Variants in ACACB observed in about 807,000 individuals in gnomAD.
The protein encoded by ACACB is acetyl-CoA carboxylase beta.
Under a neutral mutation model 278.8 loss-of-function variants are expected in ACACB, and 209 were observed. The observed-to-expected ratio is 0.75, with a 90% CI of 0.67 to 0.84. The LOEUF (loss-of-function observed/expected upper bound fraction) is 0.84, where lower values mean the gene tolerates loss of function less well. Among genes scored for constraint, ACACB ranks in the 40% least tolerant of loss-of-function variants. The probability of loss-of-function intolerance (pLI) is 0.00; values close to 1 mark genes in which losing one functional copy is unlikely to be tolerated. For synonymous variants in ACACB, 1,174 were observed against 1,285.6 expected, an observed-to-expected ratio of 0.91 and a Z score of 1.86; for missense variants, 2,850 against 3,269.0, an observed-to-expected ratio of 0.87 and a Z score of 3.13.
In ACACB at chr12:109,191,599, C is replaced by T. The variant is rs754756306; in HGVS notation, c.2145-14C>T. The stretch of plus-strand genomic sequence containing the variant: ...ATGAATTTGGAAAATGATCCATGTG[C>T]CTTTCCCTTCAAGGAACATGGTGGT... On this transcript the variant is annotated splice_polypyrimidine_tract_variant and intron_variant, in intron 13 of 52. Coordinates refer to ENST00000338432, the MANE Select transcript of ACACB (RefSeq NM_001093.4). The T allele has an allele frequency of 2.5e-6, 4 of 1,613,746 alleles. No individual in the cohort carries two copies. Among genetic ancestry groups the T allele is most frequent in the Non-Finnish European group, 2.5e-6 (3 of 1,179,814 alleles).
chr12:109,211,142 T>A (rs901181910), intron 21 of ACACB, among the ~76,000 whole-genome samples: 24 of 151,892 alleles, frequency 1.6e-4, no homozygotes, highest in African/African-American at 5.8e-4. Context: ...ACCATCATCA[T>A]CCACCCACCC....
At position 109,258,155 on chromosome 12, in the gene ACACB, C is replaced by T. The variant is rs1276618518; in HGVS notation, c.6264-113C>T. 4.1e-5 allele frequency: 29 copies of T among 713,986 alleles called. 1 individual carries two copies. Among genetic ancestry groups the T allele is most frequent in the Admixed American group, 1.2e-4 (4 of 33,896 alleles). 44.2% of individuals were successfully genotyped at this position (713,986 alleles called of 1,614,324 possible). ...TTCTTTGCCTTCCAATAAAATAATC[C>T]GCCAGATTAAAAAGAGCATTCTCCT... On this transcript the variant is annotated intron_variant, in intron 45 of 52. Transcript: ENST00000338432.
chr12:109,123,518 G>T (rs61934261), intron 1 of ACACB, among the ~76,000 whole-genome samples: 50,999 of 151,164 alleles, frequency 0.34, 9,788 homozygotes, highest in East Asian at 0.64. Flanking sequence ...ATGGAAAAAC[G>T]CCCATCTCTA....
chr12:109,150,207 C>T (rs1355888832), intron 2 of ACACB, among the ~76,000 whole-genome samples: 1 of 152,188 alleles, frequency 6.6e-6, no homozygotes, highest in East Asian at 1.9e-4. Context: ...ATTTCCTGCT[C>T]TGTTGAGGCA....
intron 1 of ACACB, among the ~76,000 whole-genome samples, chr12:109,132,744 GT>G (rs2042861817): frequency 6.6e-6 from 1 of 152,154 alleles, no homozygotes; most frequent in African/African-American, 2.4e-5. Context: ...TGACCTTTGG[GT>G]CCCACGTCAT....
intron 22 of ACACB, among the ~76,000 whole-genome samples, chr12:109,215,906 A>G (rs1057499615): frequency 6.7e-6 from 1 of 149,622 alleles, no homozygotes; most frequent in Admixed American, 6.6e-5. Context: ...AAGCGATCCT[A>G]TCACCTCAGC....
Position 109,166,863 on chromosome 12 carries a change from C to T in ACACB, c.656C>T (p.Pro219Leu), listed in dbSNP as rs17848820. 341 of 1,613,882 alleles carry T rather than the reference C, an allele frequency of 2.1e-4. 2 individuals are homozygous for T. The East Asian group carries it at 7.0e-3, about 33-fold the overall frequency. ...TGTCCCTCATTCTTATTCTGCAGGC[C>T]GAGCATGTCGGGACTCCACCTGGTG... ...EAETRVPTMR[P>L]SMSGLHLVKR... Residue 219 changes from proline to leucine, a missense_variant and splice_region_variant, in exon 3 of 53, where the codon CCG becomes CTG. Around this residue, in one of 3 missense-constraint regions of ACACB, gnomAD observed 2,265 missense variants for 2,561.3 expected, o/e 0.88. Transcript: ENST00000338432.
chr12:109,170,354 C>T lies in ACACB; in HGVS notation c.926-1451C>T, dbSNP rs542072221. 1.1e-4 allele frequency among the ~76,000 whole-genome samples: 16 copies of T among 152,214 alleles called. No individual in the cohort carries two copies. The South Asian group carries it at 1.2e-3, about 12-fold the overall frequency. On this transcript the variant is annotated intron_variant, in intron 4 of 52. Transcript: ENST00000338432. ...TGCTGGGATTACAGGTGTCAGCCAC[C>T]GCGCCCAGCCAGCGTGTGTTTTTTT...
chr12:109,120,834 C>A (rs2042530437), intron 1 of ACACB, among the ~76,000 whole-genome samples: 1 of 152,252 alleles, frequency 6.6e-6, no homozygotes, highest in African/African-American at 2.4e-5. Flanking sequence ...AACAGACTTT[C>A]TCTCTGTGCC....
At chr12:109,229,523 G>A (rs115295143) in intron 28 of ACACB, among the ~76,000 whole-genome samples, 9 of 151,844 alleles carry the variant, frequency 5.9e-5, no homozygotes, top group Non-Finnish European at 8.8e-5. Context: ...GTTCTCACCT[G>A]AGAATATCTT....
rs142173051 is a variant in ACACB at position 109,141,097 on chromosome 12, C to T, written c.653+1039C>T. 4.3e-3 allele frequency among the ~76,000 whole-genome samples: 654 copies of T among 151,878 alleles called. 2 individuals are homozygous for T. Among genetic ancestry groups the T allele is most frequent in the Middle Eastern group, 0.01 (3 of 294 alleles). ...TTAAATTTTTTATAGAAATGGGAAT[C>T]TCACCATATTGCCCAGGCTGGTCTC... is the stretch of plus-strand genomic sequence containing the variant. On this transcript the variant is annotated intron_variant, in intron 2 of 52. Transcript: ENST00000338432.
chr12:109,157,854 G>A (rs563715314), intron 2 of ACACB, among the ~76,000 whole-genome samples: 2 of 152,312 alleles, frequency 1.3e-5, no homozygotes, highest in South Asian at 4.1e-4. Flanking sequence ...GAGTGCAGAA[G>A]GGCTTGAAAT....
At chr12:109,133,836 CAT>C (rs71443838) in intron 1 of ACACB, among the ~76,000 whole-genome samples, 29 of 44,670 alleles carry the variant, frequency 6.5e-4, no homozygotes, top group South Asian at 4.5e-3. Context: ...AATGTGTGTG[CAT>C]ATATATATAT....
rs944259752 is a variant in ACACB at position 109,203,561 on chromosome 12, G to A, written c.2913+1860G>A. Among the ~76,000 whole-genome samples the A allele has an allele frequency of 3.3e-5, 5 of 149,554 alleles. No homozygotes were observed. The East Asian group carries it at 5.8e-4, about 17-fold the overall frequency. Reference sequence around the variant, plus strand: ...ACAGGGCCTTTTGGCTTTCTTGCTCGCTGCTGGGGCCCCAGTGCCAAAAAC... The same window carrying A: ...ACAGGGCCTTTTGGCTTTCTTGCTCACTGCTGGGGCCCCAGTGCCAAAAAC... On this transcript the variant is annotated intron_variant, in intron 19 of 52. Coordinates refer to ENST00000338432, the MANE Select transcript of ACACB (RefSeq NM_001093.4).
chr12:109,227,517 G>C (rs755072186), intron 28 of ACACB, 28 bp downstream of exon 28: 112 of 1,602,272 alleles, frequency 7.0e-5, no homozygotes, highest in Non-Finnish European at 9.1e-5. Flanking sequence ...CCCAGGGACG[G>C]CCTGTGTTTC....
At chr12:109,158,383 G>A (rs904094729) in intron 2 of ACACB, among the ~76,000 whole-genome samples, 5 of 130,632 alleles carry the variant, frequency 3.8e-5, no homozygotes, top group South Asian at 4.7e-4. Context: ...TTTTTTTTTC[G>A]ATGACTTAAA....
chr12:109,205,378 G>A (rs1044056128), intron 19 of ACACB, among the ~76,000 whole-genome samples: 3 of 152,124 alleles, frequency 2.0e-5, no homozygotes, highest in African/African-American at 4.8e-5. Context: ...TTAGAAGACC[G>A]CCCTTGGCCC....
At chr12:109,198,785 T>G (rs1389431438) in intron 17 of ACACB, among the ~76,000 whole-genome samples, 5 of 151,732 alleles carry the variant, frequency 3.3e-5, no homozygotes, top group African/African-American at 1.2e-4. Flanking sequence ...CACGCCCAGC[T>G]ATTTTTTTTT....
chr12:109,247,172 A>T (rs1172088903), intron 39 of ACACB, among the ~76,000 whole-genome samples: 3 of 152,048 alleles, frequency 2.0e-5, no homozygotes, highest in South Asian at 2.1e-4. Context: ...GCATTCTGTG[A>T]TGTGAAATGA....
Sources: gnomAD v4.1 joint callset for allele counts (sites outside exome capture counted in the v4.1 genomes callset) on GRCh38, gnomAD v4.1.1 for gene constraint, gnomAD v4.1.1 regional missense constraint, MANE v1.5 for transcripts, NCBI Gene and HGNC (gene_info 2026-07-23, HGNC 2026-07-21) for gene names.